Variants in E2F1 observed in about 807,000 individuals in gnomAD.
The protein encoded by E2F1 is transcription factor E2F1.
Under a neutral mutation model 36.9 loss-of-function variants are expected in E2F1, and 7 were observed. The ratio of observed to expected loss-of-function variants is 0.19; its 90% CI spans 0.11 to 0.36. The LOEUF is 0.36. Ranked by LOEUF, E2F1 falls within the 10% of genes least tolerant of loss-of-function variation. The pLI, the probability that E2F1 is intolerant of heterozygous loss-of-function variation, is 1.00. For synonymous variants in E2F1, 261 were observed against 263.1 expected, an observed-to-expected ratio of 0.99 and a Z score of 0.08; for missense variants, 406 against 573.6, an observed-to-expected ratio of 0.71 and a Z score of 2.99.
In E2F1 at chr20:33,678,186, CCAAT is replaced by C. The variant is rs1224400342; in HGVS notation, c.725+11_725+14del. 3.7e-6 allele frequency: 6 copies of C among 1,606,820 alleles called. No individual in the cohort carries two copies. Among genetic ancestry groups the C allele is most frequent in the Non-Finnish European group, 4.3e-6 (5 of 1,174,846 alleles). Reference sequence around the variant, plus strand: ...TAAGCCTGCCTTCCACACCCTACGGCCAATCCAAGGATATCGCTGGCTGTCAGTG... The same window carrying C: ...TAAGCCTGCCTTCCACACCCTACGGCCCAAGGATATCGCTGGCTGTCAGTG... On this transcript the variant is annotated intron_variant, in intron 4 of 6. Coordinates refer to ENST00000343380, the MANE Select transcript of E2F1 (RefSeq NM_005225.3).
chr20:33,681,677 C>A (rs544622013), intron 1 of E2F1, among the ~76,000 whole-genome samples: 1 of 152,158 alleles, frequency 6.6e-6, no homozygotes, highest in South Asian at 2.1e-4. Context: ...CCAGACTGAT[C>A]TTCCCCTCCA....
rs759773652 is a variant in E2F1, at chr20:33,678,253, T to C, written c.673A>G (p.Asn225Asp). Residue 225 changes from asparagine to aspartate, a missense_variant, in exon 4 of 7, where the codon AAT becomes GAT. Coordinates refer to ENST00000343380, the MANE Select transcript of E2F1 (RefSeq NM_005225.3). ...AGGCGCAGCTGCGTAGTACAGATAT[T>C]CATCAGGTGGTCCAGCTGCTGCTCG... ...ESEQQLDHLM[N>D]ICTTQLRLLS... 5 of 1,613,646 alleles carry C rather than the reference T, an allele frequency of 3.1e-6. No individual in the cohort carries two copies. In the East Asian group the frequency reaches 1.1e-4, roughly 36 times the overall value.
chr20:33,678,622 C>A (rs1054152934), intron 3 of E2F1, among the ~76,000 whole-genome samples: 4 of 151,622 alleles, frequency 2.6e-5, no homozygotes, highest in Admixed American at 6.6e-5. Flanking sequence ...ATTACACATG[C>A]ACACACACAT....
chr20:33,686,203 C>T lies in E2F1; in HGVS notation c.62G>A (p.Gly21Glu). ...PCAPALEALL[G>E]AGALRLLDSS... ...GTCGAGCAGCCGCAGCGCGCCGGCC[C>T]CGAGCAGGGCCTCCAGCGCCGGCGC... is the stretch of plus-strand genomic sequence containing the variant. The change falls in exon 1 of 7, where the codon GGG becomes GAG. Residue 21 changes from glycine to glutamate, a missense_variant. Coordinates refer to ENST00000343380, the MANE Select transcript of E2F1 (RefSeq NM_005225.3). 9.6e-7 allele frequency: 1 copy of T among 1,039,124 alleles called. No individual in the cohort carries two copies. Among genetic ancestry groups the T allele is most frequent in the South Asian group, 4.0e-5 (1 of 25,098 alleles). The allele number at this position is 1,039,124 out of a possible 1,614,324, so 64.4% of individuals were successfully genotyped here.
intron 1 of E2F1, among the ~76,000 whole-genome samples, chr20:33,684,028 G>T (rs2018041499): frequency 1.3e-5 from 2 of 152,192 alleles, no homozygotes; most frequent in Admixed American, 6.5e-5. Context: ...GTTCCAGAAT[G>T]GTGCCAGCCT....
In E2F1 at chr20:33,676,177, T is replaced by A. The variant is rs1334264996; in HGVS notation, c.*555A>T. The A allele has an allele frequency of 1.3e-5, 2 of 152,684 alleles. No individual in the cohort carries two copies. The highest frequency in any genetic ancestry group is 2.9e-5 in the Non-Finnish European group (2 of 68,242). The allele number at this position is 152,684 out of a possible 1,614,324, so 9.5% of individuals were successfully genotyped here. The stretch of plus-strand genomic sequence containing the variant: ...AGAGGCCTCGATAAATAAATAACGC[T>A]CCATTAAAGCTTCAATCAGAAAAAA... On this transcript the variant is annotated 3_prime_UTR_variant, in exon 7 of 7. Transcript: ENST00000343380.
At position 33,686,358 on chromosome 20, in the gene E2F1, C is replaced by G; in HGVS notation, c.-94G>C. 2.1e-6 allele frequency: 2 copies of G among 960,498 alleles called. No homozygotes were observed. The highest frequency in any genetic ancestry group is 2.5e-6 in the Non-Finnish European group (2 of 806,304). 59.5% of individuals were successfully genotyped at this position (960,498 alleles called of 1,614,324 possible). A position where few individuals can be genotyped will look rare whatever the true frequency, so the allele number is the denominator to read the frequency against. On this transcript the variant is annotated 5_prime_UTR_variant, in exon 1 of 7. Coordinates refer to ENST00000343380, the MANE Select transcript of E2F1 (RefSeq NM_005225.3). ...CGGCGAGGGCTCGATCCCGCTCCGC[C>G]CCCGGCCGCCGCTGCCTGCAAAGTC...
intron 1 of E2F1, among the ~76,000 whole-genome samples, chr20:33,680,945 G>C (rs150610146): frequency 6.6e-6 from 1 of 152,202 alleles, no homozygotes; most frequent in East Asian, 1.9e-4. Context: ...AACACTGGCT[G>C]AATCTCCAGA....
At chr20:33,680,979 G>A (rs554098661) in intron 1 of E2F1, among the ~76,000 whole-genome samples, 1 of 152,314 alleles carries the variant, frequency 6.6e-6, no homozygotes, top group African/African-American at 2.4e-5. Context: ...AGCTGGATAA[G>A]TCTTCCCTGA....
rs2017999136 is a variant in E2F1 at position 33,679,543 on chromosome 20, A to G, written c.572+212T>C. Among the ~76,000 whole-genome samples the G allele has an allele frequency of 1.3e-5, 2 of 152,190 alleles. No individual in the cohort carries two copies. Among genetic ancestry groups the G allele is most frequent in the Admixed American group, 1.3e-4 (2 of 15,284 alleles). ...TGGGTGACAGAGTGAAACTCCATCT[A>G]AAAAAGAAAAAAGTAAAGCTGCAAC... On this transcript the variant is annotated intron_variant, in intron 3 of 6. Coordinates refer to ENST00000343380, the MANE Select transcript of E2F1 (RefSeq NM_005225.3). The surrounding 1 kb of genome is among the most constrained non-coding windows in gnomAD (Gnocchi z 4.6).
At position 33,678,371 on chromosome 20, in the gene E2F1, G is replaced by A; in HGVS notation, c.573-18C>T. ...GGCTGCCCCTGTGGGGAGGCACCAG[G>A]GAGGGTAGGGTTAACAGCGATTGGC... On this transcript the variant is annotated intron_variant, in intron 3 of 6. Transcript: ENST00000343380. 6.2e-7 allele frequency: 1 copy of A among 1,611,268 alleles called. No homozygotes were observed. The highest frequency in any genetic ancestry group is 8.5e-7 in the Non-Finnish European group (1 of 1,179,702).
At chr20:33,677,753 A>G (rs781213891) in intron 4 of E2F1, among the ~76,000 whole-genome samples, 62 of 152,158 alleles carry the variant, frequency 4.1e-4, no homozygotes, top group Non-Finnish European at 8.7e-4. Context: ...GCTACCGGGA[A>G]CGATTCCATG....
Position 33,679,993 on chromosome 20 carries a change from G to T in E2F1, c.353-19C>A. On this transcript the variant is annotated intron_variant, in intron 2 of 6. Coordinates refer to ENST00000343380, the MANE Select transcript of E2F1 (RefSeq NM_005225.3). This position sits in a 1 kb window ranked among gnomAD's most constrained non-coding sequence, Gnocchi z 4.6. ...TTCACACCTGTGGGGGTGTGGTCAGGCAAGACAGGGCCCTTCAGCATCCAC... is the reference window on the plus strand; with the variant it reads ...TTCACACCTGTGGGGGTGTGGTCAGTCAAGACAGGGCCCTTCAGCATCCAC... 6.3e-7 allele frequency: 1 copy of T among 1,584,822 alleles called. No homozygotes were observed. Among genetic ancestry groups the T allele is most frequent in the East Asian group, 2.3e-5 (1 of 43,752 alleles).
chr20:33,677,614 CTCACA>C, intron 4 of E2F1, 74 bp from the exon 5 acceptor site: 14 of 1,147,310 alleles, frequency 1.2e-5, no homozygotes, highest in Non-Finnish European at 1.5e-5. Context: ...CAAGGCAGGG[CTCACA>C]CCTGCCTAGT....
Position 33,679,286 on chromosome 20 carries a change from G to A in E2F1, c.572+469C>T, listed in dbSNP as rs897168230. 2.0e-5 allele frequency among the ~76,000 whole-genome samples: 3 copies of A among 152,298 alleles called. No homozygotes were observed. In the South Asian group the frequency reaches 6.2e-4, roughly 32 times the overall value. On this transcript the variant is annotated intron_variant, in intron 3 of 6. Transcript: ENST00000343380. This position sits in a 1 kb window ranked among gnomAD's most constrained non-coding sequence, Gnocchi z 4.6. Reference sequence around the variant, plus strand: ...GCGCGGGGCGCAGTGGCTCATGCCTGTAATCCCAGCACTTTGGGAGGCTGA... The same window carrying A: ...GCGCGGGGCGCAGTGGCTCATGCCTATAATCCCAGCACTTTGGGAGGCTGA...
At chr20:33,685,067 T>G (rs1299823833) in intron 1 of E2F1, among the ~76,000 whole-genome samples, 1 of 152,120 alleles carries the variant, frequency 6.6e-6, no homozygotes. Context: ...TTCTGGGCCC[T>G]CCAGTCTGAA....
At position 33,677,375 on chromosome 20, in the gene E2F1, A is replaced by ACCAGC. The variant is rs551050661; in HGVS notation, c.840+46_841-46dup. On this transcript the variant is annotated intron_variant, in intron 5 of 6. Coordinates refer to ENST00000343380, the MANE Select transcript of E2F1 (RefSeq NM_005225.3). ...AGGGTAAACTGAGGCCCAGGTGACC[A>ACCAGC]CCAGCCCAGCCCAGCCCAGCCCAGT... 351 of 1,610,384 alleles carry ACCAGC rather than the reference A, an allele frequency of 2.2e-4. 2 individuals carry two copies. The highest frequency in any genetic ancestry group is 1.8e-3 in the Middle Eastern group (11 of 6,042).
In E2F1 at chr20:33,675,558, G is replaced by C. The variant is rs1427489397; in HGVS notation, c.*1174C>G. The stretch of plus-strand genomic sequence containing the variant: ...AGCGAGGAAGCTGACCTTTCTTCGA[G>C]TTATGAGGCTCAAATCAAATCGGGC... On this transcript the variant is annotated 3_prime_UTR_variant, in exon 7 of 7. Transcript: ENST00000343380. 1 of 155,350 alleles carries C rather than the reference G, an allele frequency of 6.4e-6. No individual in the cohort carries two copies. The highest frequency in any genetic ancestry group is 1.4e-5 in the Non-Finnish European group (1 of 69,910). 9.6% of individuals were successfully genotyped at this position (155,350 alleles called of 1,614,324 possible).
rs560535235 is a variant in E2F1, at chr20:33,682,698, G to A, written c.262-2282C>T. Among the ~76,000 whole-genome samples the A allele has an allele frequency of 7.9e-5, 12 of 152,284 alleles. 1 individual carries two copies. The South Asian group carries it at 1.7e-3, about 21-fold the overall frequency. On this transcript the variant is annotated intron_variant, in intron 1 of 6. Coordinates refer to ENST00000343380, the MANE Select transcript of E2F1 (RefSeq NM_005225.3). Reference sequence around the variant, plus strand: ...AACACTGGCAGAGGGGCCCCGAAACGCAGGGGTGAAGACATTCACTGCTGA... The same window carrying A: ...AACACTGGCAGAGGGGCCCCGAAACACAGGGGTGAAGACATTCACTGCTGA...
Sources: gnomAD v4.1 joint callset for allele counts (sites outside exome capture counted in the v4.1 genomes callset) on GRCh38, gnomAD v4.1.1 for gene constraint, Gnocchi (gnomAD v3.1) non-coding constraint, MANE v1.5 for transcripts, NCBI Gene and HGNC (gene_info 2026-07-23, HGNC 2026-07-21) for gene names.